The following SRSF7 variants were observed in gnomAD, a reference collection of about 807,000 sequenced individuals.
The protein encoded by SRSF7 is serine and arginine rich splicing factor 7.
A neutral mutation model predicts 42.2 loss-of-function variants in SRSF7; 15 were observed. That is an observed-to-expected ratio of 0.36 (90% CI 0.24 to 0.55). SRSF7 has a LOEUF of 0.55. SRSF7 is among the 20% of genes least tolerant of loss of function. The probability of loss-of-function intolerance (pLI) is 0.88; values close to 1 mark genes in which losing one functional copy is unlikely to be tolerated. For missense variants in SRSF7, 181 were observed against 305.9 expected, an observed-to-expected ratio of 0.59 and a Z score of 3.04; for synonymous variants, 138 against 107.9, an observed-to-expected ratio of 1.28 and a Z score of -1.73.
intron 3 of SRSF7, chr2:38,749,288 CATG>C (rs765339149): frequency 3.7e-5 from 54 of 1,472,558 alleles, no homozygotes; most frequent in East Asian, 1.2e-4. Flanking sequence ...GGCGCCTCAG[CATG>C]ATATCATAAG....
chr2:38,747,395 T>C (rs1030662239), intron 5 of SRSF7, among the ~76,000 whole-genome samples: 8 of 152,238 alleles, frequency 5.3e-5, no homozygotes, highest in East Asian at 1.9e-4. Context: ...TAAACAGCAA[T>C]TTAACTCCCA....
Position 38,751,338 on chromosome 2 carries a change from C to G in SRSF7, c.-82G>C. On this transcript the variant is annotated 5_prime_UTR_variant, in exon 1 of 8. Transcript: ENST00000313117. ...GCAAAAGCTGACACACACCTTCACC[C>G]GCCAAGAGTCCCGGCGGCACTACGA... The G allele has an allele frequency of 1.9e-4, 302 of 1,594,640 alleles. No homozygotes were observed. The highest frequency in any genetic ancestry group is 5.0e-4 in the Middle Eastern group (3 of 6,048).
In SRSF7 at chr2:38,751,194, A is replaced by C. The variant is rs1668299653; in HGVS notation, c.28+35T>G. On this transcript the variant is annotated intron_variant, in intron 1 of 7. Transcript: ENST00000313117. ...CGGCCTCGCAGTGCTCACTACACCC[A>C]CACCAACGTCCCTCACCGGACTCCA... 1.9e-6 allele frequency: 3 copies of C among 1,613,550 alleles called. No individual in the cohort carries two copies. In the African/African-American group the frequency reaches 4.0e-5, roughly 22 times the overall value.
Position 38,745,003 on chromosome 2 carries a change from C to A in SRSF7, c.*130G>T. The A allele has an allele frequency of 1.2e-6, 1 of 855,640 alleles. No homozygotes were observed. Among genetic ancestry groups the A allele is most frequent in the Admixed American group, 2.5e-5 (1 of 40,232 alleles). 53.0% of individuals were successfully genotyped at this position (855,640 alleles called of 1,614,324 possible). On this transcript the variant is annotated 3_prime_UTR_variant, in exon 8 of 8. Transcript: ENST00000313117. ...ATATTATCTTACTGCTGTGAATTTA[C>A]ATAGTAATCCAGATCCATTTTGATT...
In SRSF7 at chr2:38,744,361, TA is replaced by T; in HGVS notation, c.*771del. On this transcript the variant is annotated 3_prime_UTR_variant, in exon 8 of 8. Coordinates refer to ENST00000313117, the MANE Select transcript of SRSF7 (RefSeq NM_001031684.3). Reference sequence around the variant, plus strand: ...TTCCTCAAACATGCATTTTTTGGTATAAAACTGGTTAACTAATGTAGAAAGC... The same window carrying T: ...TTCCTCAAACATGCATTTTTTGGTATAAACTGGTTAACTAATGTAGAAAGC... 1 of 152,576 alleles carries T rather than the reference TA, an allele frequency of 6.6e-6. No individual in the cohort carries two copies. Among genetic ancestry groups the T allele is most frequent in the East Asian group, 1.9e-4 (1 of 5,188 alleles). 9.5% of individuals were successfully genotyped at this position (152,576 alleles called of 1,614,324 possible).
chr2:38,748,803 T>A, intron 3 of SRSF7, 150 bp from the exon 4 acceptor site: 1 of 1,217,768 alleles, frequency 8.2e-7, no homozygotes, highest in Non-Finnish European at 1.1e-6. Context: ...GTTGAGTATT[T>A]TTTTTTTTAC....
Position 38,751,333 on chromosome 2 carries a change from T to C in SRSF7, c.-77A>G. The C allele has an allele frequency of 6.8e-4, 1,079 of 1,598,350 alleles. 5 individuals are homozygous for C. In the African/African-American group the frequency reaches 0.011, roughly 17 times the overall value. ...GTGACGCAAAAGCTGACACACACCT[T>C]CACCCGCCAAGAGTCCCGGCGGCAC... On this transcript the variant is annotated 5_prime_UTR_variant, in exon 1 of 8. Transcript: ENST00000313117.
chr2:38,746,816 C>T, intron 5 of SRSF7, 69 bp from the exon 6 acceptor site: 1 of 1,601,538 alleles, frequency 6.2e-7, no homozygotes, highest in Non-Finnish European at 8.5e-7. Flanking sequence ...CTACTCAACA[C>T]TGTATTAGGT....
At chr2:38,749,148 G>A in intron 3 of SRSF7, 4 of 1,318,930 alleles carry the variant, frequency 3.0e-6, no homozygotes, top group African/African-American at 3.0e-5. Flanking sequence ...TACTGTTACG[G>A]CGATCACCGT....
Position 38,750,184 on chromosome 2 carries a change from C to T in SRSF7, c.39G>A (p.Val13=). The change falls in exon 2 of 8, where the codon GTG becomes GTA. Residue 13 remains valine, a synonymous_variant. Coordinates refer to ENST00000313117, the MANE Select transcript of SRSF7 (RefSeq NM_001031684.3). ...RYGRYGGETK[V]YVGNLGTGAG... is the part of the protein sequence containing the mutation. The stretch of plus-strand genomic sequence containing the variant: ...CGCCAGTTCCCAGGTTACCAACATA[C>T]ACCTTGGTTTCTGTTTAAAAACGCA... 1.3e-6 allele frequency: 2 copies of T among 1,598,056 alleles called. No individual in the cohort carries two copies. The highest frequency in any genetic ancestry group is 1.7e-6 in the Non-Finnish European group (2 of 1,175,364).
intron 3 of SRSF7, 81 bp from the exon 4 acceptor site, chr2:38,748,734 A>C: frequency 7.7e-6 from 11 of 1,421,764 alleles, no homozygotes; most frequent in African/African-American, 1.4e-5. Flanking sequence ...CTGAAATCAA[A>C]TCTCAAAACT....
At chr2:38,746,299 T>A in intron 6 of SRSF7, 120 bp from the exon 7 acceptor site, 1 of 1,135,268 alleles carries the variant, frequency 8.8e-7, no homozygotes, top group Non-Finnish European at 1.3e-6. Flanking sequence ...GCACTTAAAC[T>A]GAAAAACATC....
At chr2:38,745,401 C>A (rs998448640) in intron 7 of SRSF7, among the ~76,000 whole-genome samples, 1 of 152,130 alleles carries the variant, frequency 6.6e-6, no homozygotes, top group Non-Finnish European at 1.5e-5. Context: ...GCCTGTAACC[C>A]CAGCACTTTG....
chr2:38,749,406 A>G, intron 3 of SRSF7, 123 bp downstream of exon 3: 2 of 1,567,240 alleles, frequency 1.3e-6, no homozygotes, highest in Non-Finnish European at 1.7e-6. Flanking sequence ...TTAAACAAAA[A>G]TTGTAAAATA....
At chr2:38,749,923 T>G in intron 2 of SRSF7, 91 bp downstream of exon 2, 1 of 1,427,192 alleles carries the variant, frequency 7.0e-7, no homozygotes, top group African/African-American at 1.4e-5. Flanking sequence ...TTAAGGTCTC[T>G]TCCAGACTTC....
In SRSF7 at chr2:38,749,701, T is replaced by C; in HGVS notation, c.214A>G (p.Ile72Val). 1.3e-6 allele frequency: 2 copies of C among 1,549,060 alleles called. No homozygotes were observed. Among genetic ancestry groups the C allele is most frequent in the Non-Finnish European group, 1.7e-6 (2 of 1,154,084 alleles). Residue 72 changes from isoleucine (I) to valine (V), a missense_variant, in exon 3 of 8, where the codon ATT becomes GTT. Ile to Val is a conservative substitution (Grantham distance 29). Transcript: ENST00000313117. Reference protein sequence around the residue: ...DAVRGLDGKVICGSRVRVELS... With the variant: ...DAVRGLDGKVVCGSRVRVELS... ...TCAACCCTCACTCGGGAGCCACAAA[T>C]CACCCTAATAAAAGCAAATTAACAA...
At chr2:38,749,776 C>T in intron 2 of SRSF7, 71 bp from the exon 3 acceptor site, 1 of 1,425,946 alleles carries the variant, frequency 7.0e-7, no homozygotes, top group Middle Eastern at 2.2e-4. Context: ...AAAAAGAACT[C>T]TTTCCAACCA....
At chr2:38,746,026 T>C (rs368769011) in intron 7 of SRSF7, 118 bp downstream of exon 7, 6 of 986,602 alleles carry the variant, frequency 6.1e-6, no homozygotes, top group African/African-American at 3.3e-5. Flanking sequence ...AGCATAGTAT[T>C]TTAATCTATA....
At chr2:38,749,789 C>G in intron 2 of SRSF7, 84 bp from the exon 3 acceptor site, 3 of 1,395,468 alleles carry the variant, frequency 2.1e-6, no homozygotes, top group South Asian at 1.6e-5. Context: ...TCCAACCACT[C>G]ACTCTTTCCA....
Sources: allele counts gnomAD v4.1 joint callset (sites outside exome capture counted in the v4.1 genomes callset), GRCh38; gene constraint gnomAD v4.1.1; transcripts MANE v1.5; gene names NCBI Gene and HGNC (gene_info 2026-07-23, HGNC 2026-07-21).